Variants in NGF observed in about 807,000 individuals in gnomAD.
NGF encodes the protein nerve growth factor.
In NGF, 4 loss-of-function variants were observed where a neutral mutation model predicts 12.8. That is an observed-to-expected ratio of 0.31 (90% CI 0.15 to 0.72). The LOEUF (loss-of-function observed/expected upper bound fraction) is 0.72. NGF is among the 30% of genes least tolerant of loss of function. NGF has a pLI of 0.69. For missense variants in NGF, 283 were observed against 330.8 expected (o/e 0.86, Z 1.12); for synonymous variants, 140 against 130.0 (o/e 1.08, Z -0.52).
In NGF at chr1:115,286,243, C is replaced by G. The variant is rs141889164; in HGVS notation, c.553G>C (p.Val185Leu). 2.5e-6 allele frequency: 4 copies of G among 1,614,192 alleles called. No homozygotes were observed. The highest frequency in any genetic ancestry group is 3.4e-6 in the Non-Finnish European group (4 of 1,180,034). The change falls in exon 3 of 3, where the codon GTT becomes CTT. Residue 185 changes from valine (V) to leucine (L), a missense_variant. Coordinates refer to ENST00000369512, the MANE Select transcript of NGF (RefSeq NM_002506.3). ...TCAATGCCCCGGCACCCGCTGTCAA[C>G]GGGATTTGGGTCCCGGCACTTGGTC... ...FETKCRDPNPVDSGCRGIDSK... is the reference protein window; with the variant it reads ...FETKCRDPNPLDSGCRGIDSK...
intron 1 of NGF, among the ~76,000 whole-genome samples, chr1:115,305,930 G>A (rs1233327355): frequency 6.6e-6 from 1 of 152,154 alleles, no homozygotes; most frequent in Non-Finnish European, 1.5e-5. Flanking sequence ...TTGGTTTTTT[G>A]GGTGTGAATA....
intron 1 of NGF, among the ~76,000 whole-genome samples, chr1:115,311,224 C>A (rs1654327554): frequency 6.6e-6 from 1 of 152,176 alleles, no homozygotes; most frequent in South Asian, 2.1e-4. Flanking sequence ...CTTTAGTCAG[C>A]AGGAGTTCTT....
intron 1 of NGF, among the ~76,000 whole-genome samples, chr1:115,314,091 A>G (rs1157877310): frequency 1.3e-5 from 2 of 152,212 alleles, no homozygotes; most frequent in African/African-American, 4.8e-5. Context: ...TTCCAAAGTC[A>G]AGGAACCAAG....
At position 115,293,737 on chromosome 1, in the gene NGF, C is replaced by T. The variant is rs1253209763; in HGVS notation, c.-123G>A. ...CATCCAGCCCCTTGGACTGCACGAC[C>T]ACTGGCCAAAACTCTGTGGAGGGGG... is the stretch of plus-strand genomic sequence containing the variant. On this transcript the variant is annotated 5_prime_UTR_variant, in exon 2 of 3. Transcript: ENST00000369512. 1 of 152,850 alleles carries T rather than the reference C, an allele frequency of 6.5e-6. No homozygotes were observed. The highest frequency in any genetic ancestry group is 1.5e-5 in the Non-Finnish European group (1 of 68,214). 9.5% of individuals were successfully genotyped at this position (152,850 alleles called of 1,614,324 possible).
chr1:115,286,163 C>G lies in NGF; in HGVS notation c.633G>C (p.Leu211=). The change falls in exon 3 of 3, where the codon CTG becomes CTC. Residue 211 remains leucine, a synonymous_variant. Coordinates refer to ENST00000369512, the MANE Select transcript of NGF (RefSeq NM_002506.3). The part of the protein sequence containing the change: ...CTTTHTFVKA[L]TMDGKQAAWR... ...AGGCAGCCTGCTTGCCATCCATGGT[C>G]AGCGCCTTGACAAAGGTGTGAGTCG... 1 of 1,613,988 alleles carries G rather than the reference C, an allele frequency of 6.2e-7. No individual in the cohort carries two copies. Among genetic ancestry groups the G allele is most frequent in the Non-Finnish European group, 8.5e-7 (1 of 1,179,904 alleles).
chr1:115,312,618 G>T (rs1654364688), intron 1 of NGF, among the ~76,000 whole-genome samples: 1 of 152,114 alleles, frequency 6.6e-6, no homozygotes, highest in African/African-American at 2.4e-5. Context: ...AGAGTTGCTG[G>T]ATCTTAGCAC....
At chr1:115,288,218 AGT>A (rs949973262) in intron 2 of NGF, among the ~76,000 whole-genome samples, 1 of 152,126 alleles carries the variant, frequency 6.6e-6, no homozygotes, top group African/African-American at 2.4e-5. Flanking sequence ...TGTGAGTGTG[AGT>A]GTGTGTGTTC....
chr1:115,320,228 C>T (rs192003834), intron 1 of NGF, among the ~76,000 whole-genome samples: 1 of 152,216 alleles, frequency 6.6e-6, no homozygotes, highest in Admixed American at 6.5e-5. Context: ...TGTTCCAAGA[C>T]CCCCAGTGTA....
chr1:115,290,170 G>C (rs879733252), intron 2 of NGF, among the ~76,000 whole-genome samples: 2 of 151,978 alleles, frequency 1.3e-5, no homozygotes, highest in Non-Finnish European at 2.9e-5. Context: ...TTTGCATTCC[G>C]AGTGCACAAA....
intron 1 of NGF, among the ~76,000 whole-genome samples, chr1:115,337,707 C>T (rs550492266): frequency 6.6e-6 from 1 of 152,228 alleles, no homozygotes; most frequent in East Asian, 1.9e-4. Flanking sequence ...GCTCCTCCCC[C>T]TACCTGGGGG....
intron 1 of NGF, among the ~76,000 whole-genome samples, chr1:115,337,650 C>T (rs1333487278): frequency 6.6e-6 from 1 of 152,174 alleles, no homozygotes; most frequent in Non-Finnish European, 1.5e-5. Context: ...CCCAGCCCTT[C>T]CGAGACGCGC....
chr1:115,287,441 C>A (rs1419974127), intron 2 of NGF, among the ~76,000 whole-genome samples: 3 of 152,188 alleles, frequency 2.0e-5, no homozygotes, highest in Non-Finnish European at 4.4e-5. Flanking sequence ...TTAGTCCAGG[C>A]ACCTCTTCAG....
chr1:115,336,739 C>T (rs964249467), intron 1 of NGF, among the ~76,000 whole-genome samples: 2 of 152,202 alleles, frequency 1.3e-5, no homozygotes, highest in Non-Finnish European at 2.9e-5. Flanking sequence ...TGCACTGCCT[C>T]GAGAAGGGGA....
chr1:115,307,000 C>A (rs1654220585), intron 1 of NGF, among the ~76,000 whole-genome samples: 1 of 152,204 alleles, frequency 6.6e-6, no homozygotes, highest in Non-Finnish European at 1.5e-5. Flanking sequence ...CCGTTAGGAG[C>A]CATCCTGGGG....
intron 1 of NGF, among the ~76,000 whole-genome samples, chr1:115,302,439 G>A (rs1053027882): frequency 6.6e-6 from 1 of 152,144 alleles, no homozygotes; most frequent in African/African-American, 2.4e-5. Context: ...CAGCCCAGCC[G>A]CTGGTTATGT....
At chr1:115,316,100 C>CAG (rs1373988738) in intron 1 of NGF, among the ~76,000 whole-genome samples, 1 of 152,152 alleles carries the variant, frequency 6.6e-6, no homozygotes, top group Non-Finnish European at 1.5e-5. Context: ...ATATATCAAC[C>CAG]AGAGAGACCA....
At chr1:115,301,342 T>C (rs1654028571) in intron 1 of NGF, among the ~76,000 whole-genome samples, 1 of 152,214 alleles carries the variant, frequency 6.6e-6, no homozygotes, top group African/African-American at 2.4e-5. Context: ...CCCCTCAACA[T>C]CTTCTTTCAA....
At chr1:115,314,295 C>T (rs1211502870) in intron 1 of NGF, among the ~76,000 whole-genome samples, 1 of 152,166 alleles carries the variant, frequency 6.6e-6, no homozygotes, top group African/African-American at 2.4e-5. Context: ...TTTGCATGCT[C>T]AGGCCTGGCA....
intron 1 of NGF, among the ~76,000 whole-genome samples, chr1:115,312,173 A>C (rs1228438248): frequency 6.6e-6 from 1 of 152,244 alleles, no homozygotes; most frequent in African/African-American, 2.4e-5. Context: ...GCATTAAGAC[A>C]TCTCTTGGTA....
Sources: gnomAD v4.1 joint callset for allele counts (sites outside exome capture counted in the v4.1 genomes callset) on GRCh38, gnomAD v4.1.1 for gene constraint, MANE v1.5 for transcripts, NCBI Gene and HGNC (gene_info 2026-07-23, HGNC 2026-07-21) for gene names.